STAMBPL1: variants seen among roughly 807,000 people sequenced by gnomAD.
The protein encoded by STAMBPL1 is STAM binding protein like 1, also known as AMSH-like protease.
A neutral mutation model predicts 52.9 loss-of-function variants in STAMBPL1; 44 were observed. The observed-to-expected ratio is 0.83, with a 90% CI of 0.65 to 1.07. The LOEUF is 1.07. Ranked by LOEUF, STAMBPL1 falls within the 50% of genes least tolerant of loss-of-function variation. The probability of loss-of-function intolerance (pLI) is 0.00; values close to 1 mark genes in which losing one functional copy is unlikely to be tolerated. For missense variants in STAMBPL1, 511 were observed against 520.8 expected, an observed-to-expected ratio of 0.98 and a Z score of 0.18; for synonymous variants, 164 against 177.3, an observed-to-expected ratio of 0.92 and a Z score of 0.60.
Position 88,913,206 on chromosome 10 carries a change from C to A in STAMBPL1, c.526C>A (p.Gln176Lys). ...GCGCCAGCAGCAGCTAGAATCGGAG[C>A]AGTTTCTGTTTTTCGAAGATCAACT... Reference protein sequence around the residue: ...QMRQQQLESEQFLFFEDQLKK... With the variant: ...QMRQQQLESEKFLFFEDQLKK... The change falls in exon 6 of 11, where the codon CAG becomes AAG. Residue 176 changes from glutamine (Q) to lysine (K), a missense_variant. This residue lies in a region of STAMBPL1 where 358 missense variants were observed against 343.5 expected (regional missense o/e 1.04). Coordinates refer to ENST00000371926, the MANE Select transcript of STAMBPL1 (RefSeq NM_020799.4). 1 of 1,613,836 alleles carries A rather than the reference C, an allele frequency of 6.2e-7. No individual in the cohort carries two copies. Among genetic ancestry groups the A allele is most frequent in the South Asian group, 1.1e-5 (1 of 91,076 alleles).
intron 1 of STAMBPL1, among the ~76,000 whole-genome samples, chr10:88,895,524 AC>A (rs779496703): frequency 8.5e-5 from 13 of 152,150 alleles, no homozygotes; most frequent in Non-Finnish European, 1.5e-4. Flanking sequence ...GAGGTCATTA[AC>A]CTCACCTCTC....
At chr10:88,917,381 T>C (rs988191505) in intron 8 of STAMBPL1, among the ~76,000 whole-genome samples, 1 of 152,128 alleles carries the variant, frequency 6.6e-6, no homozygotes, top group African/African-American at 2.4e-5. Context: ...GGCAAGAGGA[T>C]AGGGCCCAAA....
intron 1 of STAMBPL1, among the ~76,000 whole-genome samples, chr10:88,883,015 C>G (rs1214715329): frequency 8.4e-6 from 1 of 119,494 alleles, no homozygotes; most frequent in Non-Finnish European, 1.7e-5. Flanking sequence ...CCCCCTCCCC[C>G]CACCCCACGA....
intron 9 of STAMBPL1, among the ~76,000 whole-genome samples, chr10:88,921,992 A>G (rs1845523839): frequency 6.6e-6 from 1 of 152,178 alleles, no homozygotes; most frequent in Admixed American, 6.5e-5. Flanking sequence ...TATTGCTATA[A>G]TCTGTATTAA....
At chr10:88,895,294 C>G (rs1159147320) in intron 1 of STAMBPL1, among the ~76,000 whole-genome samples, 1 of 152,204 alleles carries the variant, frequency 6.6e-6, no homozygotes, top group African/African-American at 2.4e-5. Context: ...CCCCTCAGGT[C>G]TCATTGTCCA....
At chr10:88,888,367 A>G (rs1272280947) in intron 1 of STAMBPL1, among the ~76,000 whole-genome samples, 1 of 152,162 alleles carries the variant, frequency 6.6e-6, no homozygotes, top group Non-Finnish European at 1.5e-5. Flanking sequence ...AGCTAGAGAC[A>G]CACAGTACCT....
rs538518690 is a variant in STAMBPL1 at position 88,914,554 on chromosome 10, C to T, written c.799C>T (p.Arg267Ter). The T allele has an allele frequency of 5.2e-6, 8 of 1,532,280 alleles. No individual in the cohort carries two copies. Among genetic ancestry groups the T allele is most frequent in the African/African-American group, 1.4e-5 (1 of 71,150 alleles). 94.9% of individuals were successfully genotyped at this position (1,532,280 alleles called of 1,614,324 possible). A position where few individuals can be genotyped will look rare whatever the true frequency, so the allele number is the denominator to read the frequency against. The change falls in exon 7 of 11, where the codon CGA becomes TGA. Residue 267 changes from arginine to a stop codon, truncating the protein, a stop_gained. Coordinates refer to ENST00000371926, the MANE Select transcript of STAMBPL1 (RefSeq NM_020799.4). LOFTEE classifies it high-confidence loss of function. ...AVQNLVVEGL[R>*]CVVLPEDLCH... ...CTTAGATTTAGTGGTTGAAGGACTG[C>T]GATGTGTAGTTTTGCCAGAAGATCT...
intron 2 of STAMBPL1, among the ~76,000 whole-genome samples, chr10:88,902,257 C>G (rs1156715614): frequency 6.6e-6 from 1 of 152,200 alleles, no homozygotes; most frequent in Non-Finnish European, 1.5e-5. Flanking sequence ...TATTCTGTGT[C>G]CTAGATCAGT....
intron 3 of STAMBPL1, among the ~76,000 whole-genome samples, 198 bp downstream of exon 3, chr10:88,905,858 G>A (rs1001742037): frequency 1.3e-5 from 2 of 152,138 alleles, no homozygotes; most frequent in African/African-American, 2.4e-5. Context: ...GAGGCTTAGG[G>A]TCAGGGAGGG....
At chr10:88,902,640 G>A (rs1047249056) in intron 2 of STAMBPL1, among the ~76,000 whole-genome samples, 5 of 151,670 alleles carry the variant, frequency 3.3e-5, no homozygotes, top group East Asian at 1.9e-4. Context: ...GCACAATCTC[G>A]GCTCACTGCA....
At chr10:88,921,421 C>CA in intron 9 of STAMBPL1, 26 bp downstream of exon 9, 1 of 1,581,348 alleles carries the variant, frequency 6.3e-7, no homozygotes, top group Non-Finnish European at 8.7e-7. Context: ...CAGGGGAGAC[C>CA]AAAGAAGGCT....
At chr10:88,880,828 C>T (rs756525857) in intron 1 of STAMBPL1, among the ~76,000 whole-genome samples, 190 bp downstream of exon 1, 2 of 152,216 alleles carry the variant, frequency 1.3e-5, no homozygotes, top group Non-Finnish European at 1.5e-5. Flanking sequence ...GTCATGCAAT[C>T]GGCCGCCTCC....
chr10:88,918,306 T>TACACACACACACACAC (rs199604099), intron 8 of STAMBPL1, among the ~76,000 whole-genome samples: 1 of 143,344 alleles, frequency 7.0e-6, no homozygotes, highest in Non-Finnish European at 1.5e-5. Flanking sequence ...CACACACACA[T>TACACACACACACACAC]ACACACACAC....
At chr10:88,888,113 T>G (rs1335467055) in intron 1 of STAMBPL1, among the ~76,000 whole-genome samples, 1 of 152,112 alleles carries the variant, frequency 6.6e-6, no homozygotes, top group East Asian at 1.9e-4. Flanking sequence ...TTGGTGGGAA[T>G]TTTTAGAGAT....
At chr10:88,889,133 G>A (rs1487670251) in intron 1 of STAMBPL1, among the ~76,000 whole-genome samples, 1 of 152,142 alleles carries the variant, frequency 6.6e-6, no homozygotes, top group East Asian at 1.9e-4. Context: ...CTTTCTAACA[G>A]TTTCATATGC....
Position 88,900,511 on chromosome 10 carries a change from T to G in STAMBPL1, c.-53-1145T>G, listed in dbSNP as rs187491513. On this transcript the variant is annotated intron_variant, in intron 1 of 10. Coordinates refer to ENST00000371926, the MANE Select transcript of STAMBPL1 (RefSeq NM_020799.4). ...GTTGTCTCAACTATAAAATAAAGATTCTAATAATAGCTAACATTGATAAAA... is the reference window on the plus strand; with the variant it reads ...GTTGTCTCAACTATAAAATAAAGATGCTAATAATAGCTAACATTGATAAAA... 3.1e-3 allele frequency among the ~76,000 whole-genome samples: 466 copies of G among 152,312 alleles called. 2 individuals are homozygous for G. The highest frequency in any genetic ancestry group is 5.3e-3 in the Non-Finnish European group (359 of 68,022).
intron 1 of STAMBPL1, among the ~76,000 whole-genome samples, chr10:88,880,975 T>C (rs1298692718): frequency 1.3e-5 from 2 of 152,054 alleles, no homozygotes; most frequent in Non-Finnish European, 2.9e-5. Flanking sequence ...CCTGTTTTTT[T>C]GGTTCAGCCC....
intron 4 of STAMBPL1, 140 bp from the exon 5 acceptor site, chr10:88,910,776 A>T (rs1265654177): frequency 3.7e-6 from 2 of 533,672 alleles, no homozygotes; most frequent in Admixed American, 8.5e-5. Flanking sequence ...TAAAAAAGAG[A>T]TTTATTTTTC....
chr10:88,895,292 G>T (rs1401980635), intron 1 of STAMBPL1, among the ~76,000 whole-genome samples: 3 of 152,126 alleles, frequency 2.0e-5, no homozygotes, highest in Non-Finnish European at 4.4e-5. Flanking sequence ...TTCCCCTCAG[G>T]TCTCATTGTC....
Sources: gnomAD v4.1 joint callset for allele counts (sites outside exome capture counted in the v4.1 genomes callset) on GRCh38, gnomAD v4.1.1 for gene constraint, gnomAD v4.1.1 regional missense constraint, MANE v1.5 for transcripts, NCBI Gene and HGNC (gene_info 2026-07-23, HGNC 2026-07-21) for gene names.